Variants in EPHA6 observed in about 807,000 individuals in gnomAD.
EPHA6 encodes the protein ephrin type-A receptor 6.
EPHA6 carries 50 observed loss-of-function variants against 112.0 expected under a neutral mutation model. That is an observed-to-expected ratio of 0.45 (90% CI 0.36 to 0.56). The LOEUF (loss-of-function observed/expected upper bound fraction) is 0.56. Ranked by LOEUF, EPHA6 falls within the 20% of genes least tolerant of loss-of-function variation. The pLI is 0.00. For synonymous variants in EPHA6, 529 were observed against 490.7 expected (o/e 1.08, Z -1.03); for missense variants, 1,280 against 1,417.4 (o/e 0.90, Z 1.56).
intron 14 of EPHA6, among the ~76,000 whole-genome samples, chr3:97,680,871 A>C (rs2031806302): frequency 1.3e-5 from 2 of 152,210 alleles, no homozygotes; most frequent in Admixed American, 1.3e-4. Context: ...GTGAACAAGT[A>C]AAAAGTCTTT....
intron 2 of EPHA6, among the ~76,000 whole-genome samples, chr3:96,979,331 G>A (rs1239063639): frequency 6.6e-6 from 1 of 151,490 alleles, no homozygotes; most frequent in Non-Finnish European, 1.5e-5. Context: ...ATACTTTGCT[G>A]AGAATGATGG....
At chr3:97,423,325 G>A (rs928018293) in intron 6 of EPHA6, among the ~76,000 whole-genome samples, 6 of 152,128 alleles carry the variant, frequency 3.9e-5, no homozygotes, top group Non-Finnish European at 8.8e-5. Context: ...CAAAATCAAT[G>A]TGAAAAATTG....
At chr3:97,066,825 G>A (rs1320958920) in intron 3 of EPHA6, among the ~76,000 whole-genome samples, 1 of 152,118 alleles carries the variant, frequency 6.6e-6, no homozygotes, top group Non-Finnish European at 1.5e-5. Context: ...AGCACTAAAT[G>A]TTCCTTGAGT....
At position 97,593,121 on chromosome 3, in the gene EPHA6, A is replaced by G. The variant is rs1182981892; in HGVS notation, c.2512+384A>G. Among the ~76,000 whole-genome samples, 3 of 152,198 alleles carry G rather than the reference A, an allele frequency of 2.0e-5. No individual in the cohort carries two copies. The East Asian group carries it at 5.8e-4, about 29-fold the overall frequency. On this transcript the variant is annotated intron_variant, in intron 12 of 17. Transcript: ENST00000389672. ...TGTTCTTGGCAGAAAGAGTAATTTC[A>G]TAGAGTTGATAGAGAATTAAAGTAT...
intron 3 of EPHA6, among the ~76,000 whole-genome samples, chr3:97,007,052 TG>T (rs1277640816): frequency 6.6e-6 from 1 of 152,194 alleles, no homozygotes; most frequent in Admixed American, 6.5e-5. Flanking sequence ...ATAAGTGCCA[TG>T]TGGCACTGAG....
At chr3:97,410,619 G>C (rs568085786) in intron 6 of EPHA6, among the ~76,000 whole-genome samples, 3 of 152,158 alleles carry the variant, frequency 2.0e-5, no homozygotes, top group African/African-American at 7.2e-5. Context: ...ACTAAGAAAA[G>C]TGTGACTGAG....
At position 96,974,575 on chromosome 3, in the gene EPHA6, G is replaced by A. The variant is rs149010954; in HGVS notation, c.451-12755G>A. Among the ~76,000 whole-genome samples, 21 of 151,508 alleles carry A rather than the reference G, an allele frequency of 1.4e-4. No homozygotes were observed. In the East Asian group the frequency reaches 4.1e-3, roughly 29 times the overall value. On this transcript the variant is annotated intron_variant, in intron 2 of 17. Coordinates refer to ENST00000389672, the MANE Select transcript of EPHA6 (RefSeq NM_001080448.3). ...AGAAAGTAGAAAAGAGCTCAGTAAA[G>A]CAAAAATCGAATTATACATGCTTCT...
chr3:97,066,037 G>A (rs1429773630), intron 3 of EPHA6, among the ~76,000 whole-genome samples: 1 of 152,000 alleles, frequency 6.6e-6, no homozygotes, highest in Non-Finnish European at 1.5e-5. Flanking sequence ...CTTCATGTCA[G>A]TGATTTTAGA....
chr3:97,174,093 A>AT (rs11390262), intron 3 of EPHA6, among the ~76,000 whole-genome samples: 45,989 of 148,016 alleles, frequency 0.31, 7,738 homozygotes, highest in African/African-American at 0.45. Flanking sequence ...CATGAGTTCA[A>AT]TTTTTTTTTT....
At chr3:97,013,595 G>A (rs59007167) in intron 3 of EPHA6, among the ~76,000 whole-genome samples, 1,992 of 152,156 alleles carry the variant, frequency 0.013, 46 homozygotes, top group African/African-American at 0.044. Context: ...TAATTGTGCT[G>A]TTGCTTATAT....
intron 5 of EPHA6, among the ~76,000 whole-genome samples, chr3:97,323,837 A>G (rs2082237339): frequency 1.3e-5 from 2 of 152,026 alleles, no homozygotes; most frequent in Admixed American, 1.3e-4. Context: ...TAGTGGAAAT[A>G]TGAAAAGCTG....
At chr3:97,090,772 G>C (rs1429343973) in intron 3 of EPHA6, among the ~76,000 whole-genome samples, 1 of 151,956 alleles carries the variant, frequency 6.6e-6, no homozygotes, top group Non-Finnish European at 1.5e-5. Context: ...CTCATTGGCT[G>C]ACCAAAATCA....
chr3:96,934,494 T>C (rs2040484430), intron 2 of EPHA6, among the ~76,000 whole-genome samples: 1 of 151,646 alleles, frequency 6.6e-6, no homozygotes, highest in Non-Finnish European at 1.5e-5. Context: ...AATAATCAAA[T>C]ACAAATTTCT....
intron 3 of EPHA6, among the ~76,000 whole-genome samples, chr3:97,106,478 G>A (rs1297383475): frequency 1.3e-5 from 2 of 152,086 alleles, no homozygotes; most frequent in Non-Finnish European, 2.9e-5. Context: ...CCAGGCCGCT[G>A]AGCAGCCTGA....
chr3:97,044,482 T>G (rs1429021441), intron 3 of EPHA6, among the ~76,000 whole-genome samples: 1 of 152,182 alleles, frequency 6.6e-6, no homozygotes, highest in Non-Finnish European at 1.5e-5. Context: ...TTTCTTAAGG[T>G]GAAACATCTG....
At chr3:97,032,127 A>T (rs2044878050) in intron 3 of EPHA6, among the ~76,000 whole-genome samples, 1 of 152,170 alleles carries the variant, frequency 6.6e-6, no homozygotes, top group Non-Finnish European at 1.5e-5. Flanking sequence ...ATAAAAAAGG[A>T]TGAGTTCATG....
chr3:96,918,689 C>T (rs1004307299), intron 2 of EPHA6, among the ~76,000 whole-genome samples: 1 of 151,786 alleles, frequency 6.6e-6, no homozygotes, highest in East Asian at 1.9e-4. Context: ...CAAACTTGGG[C>T]TTTAAGTATG....
chr3:96,936,282 A>G (rs1261586793), intron 2 of EPHA6, among the ~76,000 whole-genome samples: 2 of 152,124 alleles, frequency 1.3e-5, no homozygotes, highest in African/African-American at 4.8e-5. Flanking sequence ...AATGTTTTTT[A>G]AAACTCAATA....
At chr3:97,495,412 G>A (rs922547117) in intron 10 of EPHA6, among the ~76,000 whole-genome samples, 1 of 151,284 alleles carries the variant, frequency 6.6e-6, no homozygotes, top group East Asian at 1.9e-4. Flanking sequence ...ATATATACTA[G>A]AATATATGAT....
Sources: allele counts gnomAD v4.1 joint callset (sites outside exome capture counted in the v4.1 genomes callset), GRCh38; gene constraint gnomAD v4.1.1; transcripts MANE v1.5; gene names NCBI Gene and HGNC (gene_info 2026-07-23, HGNC 2026-07-21).